The following IQSEC1 variants were observed in gnomAD, a reference collection of about 807,000 sequenced individuals.
IQSEC1 encodes the protein IQ motif and Sec7 domain ArfGEF 1.
A neutral mutation model predicts 91.0 loss-of-function variants in IQSEC1; 31 were observed. The ratio of observed to expected loss-of-function variants is 0.34; its 90% CI spans 0.26 to 0.46. The LOEUF is 0.46. Ranked by LOEUF, IQSEC1 falls within the 20% of genes least tolerant of loss-of-function variation. The probability of loss-of-function intolerance (pLI) is 1.00; values close to 1 mark genes in which losing one functional copy is unlikely to be tolerated. For synonymous variants in IQSEC1, 699 were observed against 662.6 expected (o/e 1.05, Z -0.84); for missense variants, 1,388 against 1,575.6 (o/e 0.88, Z 2.02).
At position 12,899,671 on chromosome 3, in the gene IQSEC1, A is replaced by G. The variant is rs889983630; in HGVS notation, c.*1312T>C. On this transcript the variant is annotated 3_prime_UTR_variant, in exon 14 of 14. Coordinates refer to ENST00000613206, the MANE Select transcript of IQSEC1 (RefSeq NM_001134382.3). ...AGGGGTTCTGCTAGCACATGGCTAC[A>G]TGGAATTACGGTGATCACTGCTACC... is the stretch of plus-strand genomic sequence containing the variant. The G allele has an allele frequency of 2.0e-6, 2 of 985,344 alleles. No individual in the cohort carries two copies. Among genetic ancestry groups the G allele is most frequent in the African/African-American group, 1.7e-5 (1 of 57,248 alleles). The allele number at this position is 985,344 out of a possible 1,614,324, so 61.0% of individuals were successfully genotyped here. A position where few individuals can be genotyped will look rare whatever the true frequency, so the allele number is the denominator to read the frequency against.
At chr3:13,233,363 G>A (rs1399206541) in intron 1 of IQSEC1, among the ~76,000 whole-genome samples, 4 of 152,182 alleles carry the variant, frequency 2.6e-5, no homozygotes, top group East Asian at 1.9e-4. Flanking sequence ...GGGGTCTGCA[G>A]GCCTCACCAC....
intron 2 of IQSEC1, among the ~76,000 whole-genome samples, chr3:13,139,721 A>T (rs1706768225): frequency 6.6e-6 from 1 of 152,202 alleles, no homozygotes; most frequent in East Asian, 1.9e-4. Context: ...ATAAGGACAG[A>T]ACCTTAAGGC....
At chr3:12,917,163 C>T (rs929717714) in intron 6 of IQSEC1, among the ~76,000 whole-genome samples, 3 of 152,166 alleles carry the variant, frequency 2.0e-5, no homozygotes, top group Admixed American at 6.5e-5. Flanking sequence ...ATGCCCTGCC[C>T]CCCGACACTC....
rs909228798 is a variant in IQSEC1 at position 12,908,249 on chromosome 3, C to T, written c.2755+100G>A. 1.8e-5 allele frequency: 24 copies of T among 1,300,212 alleles called. No homozygotes were observed. The highest frequency in any genetic ancestry group is 7.2e-5 in the East Asian group (3 of 41,502). 80.5% of individuals were successfully genotyped at this position (1,300,212 alleles called of 1,614,324 possible). A position where few individuals can be genotyped will look rare whatever the true frequency, so the allele number is the denominator to read the frequency against. On this transcript the variant is annotated intron_variant, in intron 12 of 13. Transcript: ENST00000613206. This position sits in a 1 kb window ranked among gnomAD's most constrained non-coding sequence, Gnocchi z 4.9. ...AGGGGAAATGCCGCACTGGCTTCGC[C>T]GCAGGCCCTGCCCCGCGTGATGCAT...
In IQSEC1 at chr3:12,967,558, A is replaced by G. The variant is rs1297088848; in HGVS notation, c.24-25693T>C. The G allele has an allele frequency of 1.5e-6, 2 of 1,343,904 alleles. No individual in the cohort carries two copies. The highest frequency in any genetic ancestry group is 6.2e-5 in the East Asian group (2 of 32,116). The allele number at this position is 1,343,904 out of a possible 1,614,324, so 83.2% of individuals were successfully genotyped here. A position where few individuals can be genotyped will look rare whatever the true frequency, so the allele number is the denominator to read the frequency against. On this transcript the variant is annotated intron_variant, in intron 1 of 13. Transcript: ENST00000613206. This position sits in a 1 kb window ranked among gnomAD's most constrained non-coding sequence, Gnocchi z 5.9. ...CGGATCCCGGGGCCGACACCCGGCC[A>G]CCCGGAGACCCGACCACCCGCCACG...
intron 1 of IQSEC1, among the ~76,000 whole-genome samples, chr3:13,053,689 G>C (rs921875982): frequency 2.0e-5 from 3 of 152,140 alleles, no homozygotes; most frequent in Non-Finnish European, 4.4e-5. Context: ...GACCCAGGAG[G>C]GGCCTGAGGC....
At chr3:13,185,300 A>G (rs1160184049) in intron 1 of IQSEC1, among the ~76,000 whole-genome samples, 1 of 152,202 alleles carries the variant, frequency 6.6e-6, no homozygotes, top group Non-Finnish European at 1.5e-5. Flanking sequence ...GTCTCCACTC[A>G]GAGGCTGCCT....
intron 1 of IQSEC1, among the ~76,000 whole-genome samples, chr3:13,281,466 GTATGTGT>G (rs970322721): frequency 4.5e-5 from 2 of 44,234 alleles, no homozygotes; most frequent in African/African-American, 1.0e-4. Flanking sequence ...ACAGAGCCAT[GTATGTGT>G]TCACCCACAG....
At chr3:13,228,620 T>G (rs1382570708) in intron 1 of IQSEC1, among the ~76,000 whole-genome samples, 1 of 152,218 alleles carries the variant, frequency 6.6e-6, no homozygotes. Flanking sequence ...CTTTAAAGCC[T>G]TACCAAAACC....
At chr3:12,971,707 G>A (rs1354843778) in intron 1 of IQSEC1, among the ~76,000 whole-genome samples, 2 of 152,126 alleles carry the variant, frequency 1.3e-5, no homozygotes, top group Non-Finnish European at 1.5e-5. Flanking sequence ...GAGACAGAGC[G>A]AGACTCTGTA....
At chr3:12,913,786 G>C (rs1695797875) in intron 8 of IQSEC1, among the ~76,000 whole-genome samples, 1 of 152,206 alleles carries the variant, frequency 6.6e-6, no homozygotes, top group Non-Finnish European at 1.5e-5. Context: ...CTGCTCTCCT[G>C]AAGGACTAGG....
rs1559593896 is a variant in IQSEC1 at position 12,900,809 on chromosome 3, GT to G, written c.*173del. The stretch of plus-strand genomic sequence containing the variant: ...AACAAGAAATGAAATCTGGGCCTTT[GT>G]TCCACACAACACCAGCCCTGTGGGC... On this transcript the variant is annotated 3_prime_UTR_variant, in exon 14 of 14. Transcript: ENST00000613206. 4 of 1,468,852 alleles carry G rather than the reference GT, an allele frequency of 2.7e-6. No individual in the cohort carries two copies. In the Admixed American group the frequency reaches 9.8e-5, roughly 36 times the overall value. The allele number at this position is 1,468,852 out of a possible 1,614,324, so 91.0% of individuals were successfully genotyped here.
In IQSEC1 at chr3:13,207,611, C is replaced by T. The variant is rs982962388; in HGVS notation, c.273-43478G>A. On this transcript the variant is annotated intron_variant, in intron 1 of 15. Transcript: ENST00000648114. This position sits in a 1 kb window ranked among gnomAD's most constrained non-coding sequence, Gnocchi z 4.8. ...CATCTGGGTCTGTCTCCTGCCCCAG[C>T]CTCTGCCCTGGCCTCCCTGAGGCTC... is the stretch of plus-strand genomic sequence containing the variant. Among the ~76,000 whole-genome samples the T allele has an allele frequency of 1.3e-5, 2 of 152,196 alleles. No individual in the cohort carries two copies. Among genetic ancestry groups the T allele is most frequent in the African/African-American group, 4.8e-5 (2 of 41,454 alleles).
At chr3:12,975,413 C>G (rs973241878) in intron 1 of IQSEC1, among the ~76,000 whole-genome samples, 4 of 152,220 alleles carry the variant, frequency 2.6e-5, no homozygotes, top group Non-Finnish European at 5.9e-5. Flanking sequence ...AGCCTCCTCT[C>G]ACAGGGCACA....
At chr3:13,045,836 G>A (rs959085038) in intron 1 of IQSEC1, among the ~76,000 whole-genome samples, 4 of 152,214 alleles carry the variant, frequency 2.6e-5, no homozygotes, top group African/African-American at 7.2e-5. Flanking sequence ...GAACCCACAC[G>A]CCTGCTGGCA....
chr3:13,105,864 C>T (rs1161665742), intron 2 of IQSEC1, among the ~76,000 whole-genome samples: 3 of 152,228 alleles, frequency 2.0e-5, no homozygotes, highest in Non-Finnish European at 4.4e-5. Flanking sequence ...GATGGCTGGC[C>T]TGCAGCATGT....
chr3:13,034,421 T>G (rs1703960496), intron 1 of IQSEC1, among the ~76,000 whole-genome samples: 1 of 152,170 alleles, frequency 6.6e-6, no homozygotes, highest in Non-Finnish European at 1.5e-5. Context: ...CGAGAACGTT[T>G]CCCCGAATCA....
At chr3:13,185,766 G>A (rs1026074864) in intron 1 of IQSEC1, among the ~76,000 whole-genome samples, 1 of 152,234 alleles carries the variant, frequency 6.6e-6, no homozygotes, top group Non-Finnish European at 1.5e-5. Context: ...CATCCTAATC[G>A]CTGGAAAGCA....
chr3:13,004,147 T>C (rs1262580706), intron 1 of IQSEC1, among the ~76,000 whole-genome samples: 1 of 152,216 alleles, frequency 6.6e-6, no homozygotes. Flanking sequence ...GAAAAAGCCC[T>C]GAGCTAGTTG....
Sources: gnomAD v4.1 joint callset for allele counts (sites outside exome capture counted in the v4.1 genomes callset) on GRCh38, gnomAD v4.1.1 for gene constraint, Gnocchi (gnomAD v3.1) non-coding constraint, MANE v1.5 for transcripts, NCBI Gene and HGNC (gene_info 2026-07-23, HGNC 2026-07-21) for gene names.